The following CDH18 variants were observed in gnomAD, a reference collection of about 807,000 sequenced individuals.
CDH18 encodes cadherin 18, also known as cadherin-18.
In CDH18, 31 loss-of-function variants were observed where a neutral mutation model predicts 67.9. That is an observed-to-expected ratio of 0.46 (90% CI 0.34 to 0.62). The LOEUF is 0.62. Among genes scored for constraint, CDH18 ranks in the 20% least tolerant of loss-of-function variants. The pLI, the probability that CDH18 is intolerant of heterozygous loss-of-function variation, is 0.01. For synonymous variants in CDH18, 362 were observed against 347.2 expected (o/e 1.04, Z -0.48); for missense variants, 890 against 975.5 (o/e 0.91, Z 1.17).
chr5:19,531,097 C>A (rs1452188243), intron 9 of CDH18, among the ~76,000 whole-genome samples: 2 of 152,080 alleles, frequency 1.3e-5, no homozygotes, highest in Non-Finnish European at 2.9e-5. Context: ...CATCTTGGCT[C>A]CACCTCCAAT....
intron 5 of CDH18, among the ~76,000 whole-genome samples, chr5:19,642,701 C>A (rs1754186739): frequency 6.6e-6 from 1 of 151,972 alleles, no homozygotes; most frequent in Admixed American, 6.6e-5. Flanking sequence ...AAAGGTGAGA[C>A]CTGAAACTGT....
chr5:19,612,742 C>G, intron 5 of CDH18, 141 bp from the exon 6 acceptor site: 1 of 642,832 alleles, frequency 1.6e-6, no homozygotes, highest in Non-Finnish European at 2.7e-6. Context: ...AAAACAATAT[C>G]TTACCAATGC....
At chr5:20,382,934 T>C (rs1205443907) in intron 1 of CDH18, among the ~76,000 whole-genome samples, 3 of 152,164 alleles carry the variant, frequency 2.0e-5, no homozygotes, top group Non-Finnish European at 2.9e-5. Flanking sequence ...ACCTGTGCTA[T>C]TGCAACAATT....
At chr5:20,523,172 T>C (rs1415960202) in intron 1 of CDH18, among the ~76,000 whole-genome samples, 1 of 152,204 alleles carries the variant, frequency 6.6e-6, no homozygotes, top group Non-Finnish European at 1.5e-5. Context: ...AGTGGTATGT[T>C]GCTGAAAACA....
intron 2 of CDH18, among the ~76,000 whole-genome samples, chr5:19,916,714 C>T (rs1361035464): frequency 6.6e-6 from 1 of 152,054 alleles, no homozygotes; most frequent in Non-Finnish European, 1.5e-5. Context: ...GACATTTATT[C>T]TTACAAATTT....
In CDH18 at chr5:19,876,213, T is replaced by C. The variant is rs532816795; in HGVS notation, c.-256-36971A>G. Among the ~76,000 whole-genome samples the C allele has an allele frequency of 4.6e-5, 7 of 152,248 alleles. No homozygotes were observed. In the East Asian group the frequency reaches 9.6e-4, roughly 21 times the overall value. On this transcript the variant is annotated intron_variant, in intron 2 of 12. Coordinates refer to ENST00000382275, the MANE Select transcript of CDH18 (RefSeq NM_004934.5). The stretch of plus-strand genomic sequence containing the variant: ...CCTACCCATTTGTGAAGAAATCTTA[T>C]TGACAAAGAAATAATGATCCTGGAC...
intron 5 of CDH18, among the ~76,000 whole-genome samples, chr5:19,706,883 T>A (rs927765902): frequency 6.6e-6 from 1 of 152,140 alleles, no homozygotes; most frequent in Non-Finnish European, 1.5e-5. Flanking sequence ...TACAACTGAA[T>A]CTAGCATTAT....
chr5:20,306,944 T>A (rs1736515953), intron 1 of CDH18, among the ~76,000 whole-genome samples: 1 of 119,656 alleles, frequency 8.4e-6, no homozygotes, highest in Non-Finnish European at 2.1e-5. Context: ...TATGCCATAG[T>A]TATAGGAAAA....
intron 1 of CDH18, among the ~76,000 whole-genome samples, chr5:20,352,989 A>G (rs987423588): frequency 2.0e-5 from 3 of 152,210 alleles, no homozygotes; most frequent in African/African-American, 7.2e-5. Flanking sequence ...GAACACTCTT[A>G]TGGAAGCCTT....
chr5:19,563,177 TTTTA>T (rs1304904199), intron 8 of CDH18, among the ~76,000 whole-genome samples: 2 of 152,164 alleles, frequency 1.3e-5, no homozygotes, highest in Non-Finnish European at 2.9e-5. Context: ...GTTTGTTTGT[TTTTA>T]TTTTTTATTA....
intron 2 of CDH18, among the ~76,000 whole-genome samples, chr5:20,053,255 C>A (rs1431443988): frequency 2.0e-5 from 3 of 150,720 alleles, no homozygotes; most frequent in Non-Finnish European, 4.4e-5. Context: ...ATCATACAGT[C>A]CATATATACA....
At chr5:19,717,005 T>C (rs1019431777) in intron 5 of CDH18, among the ~76,000 whole-genome samples, 7 of 152,092 alleles carry the variant, frequency 4.6e-5, no homozygotes, top group African/African-American at 1.7e-4. Context: ...ATGAGAATCA[T>C]TTATACAAAT....
intron 8 of CDH18, among the ~76,000 whole-genome samples, chr5:19,560,010 T>G (rs1214810472): frequency 6.6e-6 from 1 of 151,032 alleles, no homozygotes; most frequent in African/African-American, 2.4e-5. Flanking sequence ...AAATACATCA[T>G]AGACAACATA....
At chr5:19,979,309 C>T (rs79185988) in intron 2 of CDH18, among the ~76,000 whole-genome samples, 1,836 of 151,582 alleles carry the variant, frequency 0.012, 52 homozygotes, top group African/African-American at 0.042. Context: ...ATGAACAATG[C>T]TGAAATAATC....
intron 2 of CDH18, among the ~76,000 whole-genome samples, chr5:20,093,143 G>C (rs1352485032): frequency 6.6e-6 from 1 of 151,946 alleles, no homozygotes; most frequent in African/African-American, 2.4e-5. Context: ...ACGGTGAGGT[G>C]GGAGGAAGCT....
chr5:19,624,145 T>A (rs941293301), intron 5 of CDH18, among the ~76,000 whole-genome samples: 11 of 152,018 alleles, frequency 7.2e-5, no homozygotes, highest in African/African-American at 2.4e-4. Context: ...GTAGTTGGGA[T>A]TGCGGGCGTG....
At chr5:19,600,791 T>C (rs1291049274) in intron 6 of CDH18, among the ~76,000 whole-genome samples, 1 of 152,132 alleles carries the variant, frequency 6.6e-6, no homozygotes, top group Non-Finnish European at 1.5e-5. Flanking sequence ...GGAATCCTTT[T>C]CTTATCTGGA....
At chr5:20,212,670 C>T (rs1364155968) in intron 2 of CDH18, among the ~76,000 whole-genome samples, 3 of 151,432 alleles carry the variant, frequency 2.0e-5, no homozygotes, top group East Asian at 1.9e-4. Flanking sequence ...CATATCCGGC[C>T]GAACTAAGCT....
chr5:20,070,863 G>C (rs146462474), intron 2 of CDH18, among the ~76,000 whole-genome samples: 1 of 152,112 alleles, frequency 6.6e-6, no homozygotes, highest in Non-Finnish European at 1.5e-5. Flanking sequence ...TCAACAGAAA[G>C]TGATTCTTCA....
Sources: gnomAD v4.1 joint callset for allele counts (sites outside exome capture counted in the v4.1 genomes callset) on GRCh38, gnomAD v4.1.1 for gene constraint, MANE v1.5 for transcripts, NCBI Gene and HGNC (gene_info 2026-07-23, HGNC 2026-07-21) for gene names.